Variants in CFAP96 observed in about 807,000 individuals in gnomAD.
The protein encoded by CFAP96 is cilia and flagella associated protein 96.
At chr4:185,432,598 C>G in the CFAP96 span, among the ~76,000 whole-genome samples, 1 of 152,018 alleles carries the variant, frequency 6.6e-6, no homozygotes, top group South Asian at 2.1e-4. Context: ...TGCAGTGGCT[C>G]ATGCCTATAA....
At chr4:185,414,718 T>A in the CFAP96 span, among the ~76,000 whole-genome samples, 73 of 152,320 alleles carry the variant, frequency 4.8e-4, no homozygotes, top group African/African-American at 1.7e-3. Context: ...AAAGCCCAAA[T>A]AACCTTACTT....
At chr4:185,426,264 C>G in the CFAP96 span, 1 of 202,316 alleles carries the variant, frequency 4.9e-6, no homozygotes, top group Non-Finnish European at 1.0e-5. Context: ...AGAGGCGCTG[C>G]GCAGCCCAGG....
chr4:185,426,225 C>A, the CFAP96 span: 1 of 306,982 alleles, frequency 3.3e-6, no homozygotes, highest in East Asian at 6.4e-5. Flanking sequence ...ACACATCACA[C>A]AATAAACGCC....
chr4:185,441,940 G>T, the CFAP96 span, among the ~76,000 whole-genome samples: 2 of 151,946 alleles, frequency 1.3e-5, no homozygotes, highest in African/African-American at 4.8e-5. Context: ...TAATAAAACT[G>T]ATTTTTAAAA....
chr4:185,431,927 G>A, the CFAP96 span: 1 of 1,321,378 alleles, frequency 7.6e-7, no homozygotes. Context: ...TATTTTTCAT[G>A]TCCTTTAATT....
the CFAP96 span, chr4:185,445,508 A>T: frequency 6.3e-7 from 1 of 1,578,546 alleles, no homozygotes; most frequent in Non-Finnish European, 8.7e-7. Context: ...AATCCTAATG[A>T]TGCTTGAGAG....
the CFAP96 span, chr4:185,413,931 CAATA>C: frequency 3.5e-6 from 5 of 1,440,508 alleles, no homozygotes; most frequent in Non-Finnish European, 2.8e-6. Context: ...GATTCCTAGT[CAATA>C]AATAAAGATG....
the CFAP96 span, chr4:185,425,733 G>T: frequency 2.2e-6 from 3 of 1,362,446 alleles, no homozygotes; most frequent in African/African-American, 2.9e-5. Flanking sequence ...GAGCCGCCCT[G>T]CCCACGCAGC....
the CFAP96 span, among the ~76,000 whole-genome samples, chr4:185,437,717 G>A: frequency 6.6e-6 from 1 of 152,236 alleles, no homozygotes; most frequent in East Asian, 1.9e-4. Context: ...TAGTGGCTCT[G>A]TAATTAATCT....
the CFAP96 span, chr4:185,425,893 G>A: frequency 1.9e-5 from 30 of 1,595,878 alleles, no homozygotes; most frequent in East Asian, 5.9e-4. Context: ...GGTGACACGG[G>A]CGCTGACGCC....
the CFAP96 span, among the ~76,000 whole-genome samples, chr4:185,448,611 G>A: frequency 2.0e-5 from 3 of 152,178 alleles, no homozygotes; most frequent in South Asian, 2.1e-4. Context: ...ACTATTCTCT[G>A]TGGGCTAGTT....
At chr4:185,438,566 C>T in the CFAP96 span, among the ~76,000 whole-genome samples, 2 of 152,110 alleles carry the variant, frequency 1.3e-5, no homozygotes, top group African/African-American at 2.4e-5. Flanking sequence ...GATTTTTCTT[C>T]TCAGTATGGG....
chr4:185,418,534 T>C, the CFAP96 span: 1 of 1,610,242 alleles, frequency 6.2e-7, no homozygotes, highest in South Asian at 1.1e-5. Flanking sequence ...CAGACATTTA[T>C]AATATGAAAT....
At chr4:185,430,001 C>T in the CFAP96 span, among the ~76,000 whole-genome samples, 12 of 152,142 alleles carry the variant, frequency 7.9e-5, no homozygotes, top group Non-Finnish European at 1.3e-4. Flanking sequence ...ATAGGAATCT[C>T]GTTTTATTAG....
chr4:185,423,521 C>T, the CFAP96 span, among the ~76,000 whole-genome samples: 3 of 151,812 alleles, frequency 2.0e-5, no homozygotes, highest in Admixed American at 6.6e-5. Flanking sequence ...CACAAAGATT[C>T]GGGTACATGG....
the CFAP96 span, among the ~76,000 whole-genome samples, chr4:185,447,405 C>T: frequency 8.5e-5 from 13 of 152,152 alleles, no homozygotes; most frequent in East Asian, 7.7e-4. Context: ...TGGACTTGAT[C>T]TCCTGACCTC....
At chr4:185,426,741 G>A in the CFAP96 span, among the ~76,000 whole-genome samples, 1 of 152,044 alleles carries the variant, frequency 6.6e-6, no homozygotes, top group African/African-American at 2.4e-5. Flanking sequence ...TAAGAGTTAA[G>A]TAGTGGCGGG....
chr4:185,445,672 A>T, the CFAP96 span: 11 of 580,696 alleles, frequency 1.9e-5, no homozygotes, highest in South Asian at 2.7e-4. Flanking sequence ...TCAAAACTGA[A>T]AAAGTTCTTT....
chr4:185,427,315 G>GA, the CFAP96 span, among the ~76,000 whole-genome samples: 1 of 152,210 alleles, frequency 6.6e-6, no homozygotes, highest in African/African-American at 2.4e-5. Flanking sequence ...GAAGAGGTAG[G>GA]ATGTGGGGAA....
Sources: allele counts gnomAD v4.1 joint callset (sites outside exome capture counted in the v4.1 genomes callset), GRCh38; gene constraint gnomAD v4.1.1; transcripts MANE v1.5; gene names NCBI Gene and HGNC (gene_info 2026-07-23, HGNC 2026-07-21).